Variants in ZCCHC7 observed in about 807,000 individuals in gnomAD.
The protein encoded by ZCCHC7 is zinc finger CCHC-type containing 7.
ZCCHC7 carries 35 observed loss-of-function variants against 52.0 expected under a neutral mutation model. The observed-to-expected ratio is 0.67, with a 90% CI of 0.51 to 0.89. ZCCHC7 has a LOEUF of 0.89. ZCCHC7 is among the 40% of genes least tolerant of loss of function. ZCCHC7 has a pLI of 0.00. For synonymous variants in ZCCHC7, 217 were observed against 221.5 expected, an observed-to-expected ratio of 0.98 and a Z score of 0.18; for missense variants, 574 against 649.1, an observed-to-expected ratio of 0.88 and a Z score of 1.26.
At chr9:37,150,194 G>A (rs1001907471) in intron 2 of ZCCHC7, among the ~76,000 whole-genome samples, 3 of 152,136 alleles carry the variant, frequency 2.0e-5, no homozygotes, top group Non-Finnish European at 2.9e-5. Flanking sequence ...GAAAGGAATA[G>A]GAACAGACAA....
intron 2 of ZCCHC7, among the ~76,000 whole-genome samples, chr9:37,296,958 C>T (rs1828818191): frequency 7.0e-6 from 1 of 143,126 alleles, no homozygotes; most frequent in Non-Finnish European, 1.5e-5. Context: ...ACTATGTTAC[C>T]TAAGCTAGGC....
chr9:37,160,952 A>AT (rs879309927), intron 2 of ZCCHC7, among the ~76,000 whole-genome samples: 179 of 143,494 alleles, frequency 1.2e-3, no homozygotes, highest in Middle Eastern at 7.1e-3. Flanking sequence ...GGGCTCAATA[A>AT]TTTTTTTTTT....
intron 5 of ZCCHC7, among the ~76,000 whole-genome samples, chr9:37,311,541 C>T (rs923175289): frequency 2.0e-5 from 3 of 152,130 alleles, no homozygotes; most frequent in African/African-American, 7.2e-5. Flanking sequence ...TCCCAAGTAG[C>T]TGGGATTACA....
At chr9:37,282,372 G>A (rs534763990) in intron 2 of ZCCHC7, among the ~76,000 whole-genome samples, 1 of 152,196 alleles carries the variant, frequency 6.6e-6, no homozygotes, top group East Asian at 1.9e-4. Context: ...GGGAGGCCGA[G>A]ACAGGCGGAT....
chr9:37,222,304 G>A (rs1055385528), intron 2 of ZCCHC7, among the ~76,000 whole-genome samples: 1 of 150,082 alleles, frequency 6.7e-6, no homozygotes, highest in African/African-American at 2.4e-5. Context: ...AACAGGCCAA[G>A]GGATAAACAG....
chr9:37,153,851 A>C (rs1362113312), intron 2 of ZCCHC7, among the ~76,000 whole-genome samples: 2 of 152,098 alleles, frequency 1.3e-5, no homozygotes, highest in African/African-American at 2.4e-5. Context: ...TGTTTGTCTT[A>C]ATATAGTTTG....
At chr9:37,182,242 A>G (rs768735797) in intron 2 of ZCCHC7, among the ~76,000 whole-genome samples, 31 of 152,210 alleles carry the variant, frequency 2.0e-4, no homozygotes, top group Non-Finnish European at 3.8e-4. Context: ...TAAAATCTTA[A>G]GAATAGCATT....
chr9:37,258,136 A>AC (rs748442438), intron 2 of ZCCHC7, among the ~76,000 whole-genome samples: 3 of 152,088 alleles, frequency 2.0e-5, no homozygotes, highest in African/African-American at 7.2e-5. Context: ...ATCTCATCAT[A>AC]CCCCCCTTGA....
chr9:37,164,639 T>C (rs983368748), intron 2 of ZCCHC7, among the ~76,000 whole-genome samples: 2 of 152,086 alleles, frequency 1.3e-5, no homozygotes, highest in African/African-American at 2.4e-5. Flanking sequence ...TGGAGTACAT[T>C]GGCATGATCA....
chr9:37,199,790 C>T (rs888764768), intron 2 of ZCCHC7, among the ~76,000 whole-genome samples: 4 of 152,074 alleles, frequency 2.6e-5, no homozygotes, highest in African/African-American at 7.3e-5. Flanking sequence ...ACTGCAAGCT[C>T]CACCTCCTGG....
At chr9:37,263,129 T>A (rs1440348698) in intron 2 of ZCCHC7, among the ~76,000 whole-genome samples, 1 of 152,190 alleles carries the variant, frequency 6.6e-6, no homozygotes, top group Non-Finnish European at 1.5e-5. Flanking sequence ...TTTATTTTTT[T>A]AATTCTCTAT....
chr9:37,329,945 A>G (rs1007920386), intron 6 of ZCCHC7, among the ~76,000 whole-genome samples: 2 of 151,894 alleles, frequency 1.3e-5, no homozygotes, highest in Non-Finnish European at 2.9e-5. Context: ...TTTTCTAACC[A>G]AAATTGTCAT....
chr9:37,139,042 CAT>C (rs1843112710), intron 2 of ZCCHC7, among the ~76,000 whole-genome samples: 1 of 151,786 alleles, frequency 6.6e-6, no homozygotes, highest in Non-Finnish European at 1.5e-5. Flanking sequence ...TCAGATAATT[CAT>C]ATTCTGTAAG....
At chr9:37,139,769 G>A (rs1281940581) in intron 2 of ZCCHC7, among the ~76,000 whole-genome samples, 1 of 151,918 alleles carries the variant, frequency 6.6e-6, no homozygotes, top group Non-Finnish European at 1.5e-5. Context: ...AAGAATGGAT[G>A]TTAAGTAGCT....
chr9:37,189,709 A>G (rs963606806), intron 2 of ZCCHC7, among the ~76,000 whole-genome samples: 5 of 151,894 alleles, frequency 3.3e-5, no homozygotes, highest in Admixed American at 2.0e-4. Flanking sequence ...TTAATAGGCA[A>G]TTTGGTTGGG....
intron 2 of ZCCHC7, among the ~76,000 whole-genome samples, chr9:37,134,594 T>A (rs1485863527): frequency 1.3e-5 from 2 of 152,238 alleles, no homozygotes; most frequent in African/African-American, 4.8e-5. Context: ...AGGCAAACCT[T>A]CTGTCCAGTC....
intron 2 of ZCCHC7, among the ~76,000 whole-genome samples, chr9:37,175,083 A>C (rs536180758): frequency 6.6e-6 from 1 of 150,834 alleles, no homozygotes; most frequent in South Asian, 2.1e-4. Context: ...GTGCCACTGC[A>C]CTCCAACCTG....
At chr9:37,244,506 A>G (rs1427264522) in intron 2 of ZCCHC7, among the ~76,000 whole-genome samples, 2 of 151,860 alleles carry the variant, frequency 1.3e-5, no homozygotes, top group African/African-American at 4.8e-5. Context: ...CTAACTCTTA[A>G]TGTTTTTAAA....
intron 2 of ZCCHC7, among the ~76,000 whole-genome samples, chr9:37,156,533 T>G (rs1234210649): frequency 6.6e-6 from 1 of 152,232 alleles, no homozygotes; most frequent in Non-Finnish European, 1.5e-5. Flanking sequence ...TTTAAATTCT[T>G]TTCATAGCAG....
Sources: allele counts gnomAD v4.1 joint callset (sites outside exome capture counted in the v4.1 genomes callset), GRCh38; gene constraint gnomAD v4.1.1; transcripts MANE v1.5; gene names NCBI Gene and HGNC (gene_info 2026-07-23, HGNC 2026-07-21).